ARFGEF3: variants seen among roughly 807,000 people sequenced by gnomAD.
The protein encoded by ARFGEF3 is brefeldin A-inhibited guanine nucleotide-exchange protein 3.
Under a neutral mutation model 221.7 loss-of-function variants are expected in ARFGEF3, and 96 were observed. The observed-to-expected ratio is 0.43, with a 90% CI of 0.37 to 0.51. The LOEUF (loss-of-function observed/expected upper bound fraction) is 0.51, where lower values mean the gene tolerates loss of function less well. Ranked by LOEUF, ARFGEF3 falls within the 20% of genes least tolerant of loss-of-function variation. The pLI is 0.00. For synonymous variants in ARFGEF3, 1,145 were observed against 1,126.8 expected (o/e 1.02, Z -0.32); for missense variants, 2,410 against 2,789.9 (o/e 0.86, Z 3.07).
At chr6:138,308,697 A>G (rs1355275043) in intron 23 of ARFGEF3, 42 bp from the exon 24 acceptor site, 1 of 1,611,914 alleles carries the variant, frequency 6.2e-7, no homozygotes, top group Admixed American at 1.7e-5. Context: ...ACCCGAGGGC[A>G]GAAACTTACT....
chr6:138,171,863 C>G (rs1776842810), intron 2 of ARFGEF3, among the ~76,000 whole-genome samples: 1 of 152,070 alleles, frequency 6.6e-6, no homozygotes, highest in Non-Finnish European at 1.5e-5. Context: ...ATGGCTGTAG[C>G]ATAATTCATT....
intron 26 of ARFGEF3, among the ~76,000 whole-genome samples, chr6:138,315,339 C>A (rs952445686): frequency 1.7e-4 from 26 of 152,212 alleles, no homozygotes; most frequent in African/African-American, 6.3e-4. Flanking sequence ...CTCATGCTCA[C>A]ACCTTCTGTC....
At chr6:138,213,751 G>T (rs1368813176) in intron 4 of ARFGEF3, among the ~76,000 whole-genome samples, 1 of 152,024 alleles carries the variant, frequency 6.6e-6, no homozygotes. Context: ...TAAATATTAG[G>T]ATTGGGGAAA....
At chr6:138,330,097 C>T (rs1327333875) in intron 32 of ARFGEF3, among the ~76,000 whole-genome samples, 3 of 152,106 alleles carry the variant, frequency 2.0e-5, no homozygotes, top group South Asian at 2.1e-4. Flanking sequence ...AAGGCAGGAA[C>T]AGGCCATTTT....
intron 12 of ARFGEF3, among the ~76,000 whole-genome samples, chr6:138,275,043 G>C (rs12183973): frequency 0.062 from 9,446 of 152,032 alleles, 947 homozygotes; most frequent in African/African-American, 0.21. Context: ...GGAGGCAGAG[G>C]TTGCAGTGAG....
intron 27 of ARFGEF3, among the ~76,000 whole-genome samples, chr6:138,319,278 TAAA>T (rs371788391): frequency 1.4e-5 from 2 of 142,564 alleles, no homozygotes; most frequent in Non-Finnish European, 1.5e-5. Context: ...ATTGTTAAGT[TAAA>T]AAAAAAAAAA....
intron 2 of ARFGEF3, among the ~76,000 whole-genome samples, chr6:138,200,610 T>C (rs1777517430): frequency 6.6e-6 from 1 of 152,132 alleles, no homozygotes; most frequent in African/African-American, 2.4e-5. Context: ...GCTGGGATAA[T>C]TGGCTAGCCA....
At chr6:138,197,589 A>G (rs1583006188) in intron 2 of ARFGEF3, among the ~76,000 whole-genome samples, 1 of 152,322 alleles carries the variant, frequency 6.6e-6, no homozygotes, top group East Asian at 1.9e-4. Context: ...TAGGACAGCT[A>G]TGATAGGAAA....
intron 5 of ARFGEF3, among the ~76,000 whole-genome samples, chr6:138,230,662 G>T (rs1490751673): frequency 6.6e-6 from 1 of 152,158 alleles, no homozygotes; most frequent in Non-Finnish European, 1.5e-5. Context: ...GTATTAAACA[G>T]TGAAAATTAA....
chr6:138,322,860 A>G (rs1780058752), intron 29 of ARFGEF3, among the ~76,000 whole-genome samples: 1 of 151,818 alleles, frequency 6.6e-6, no homozygotes. Context: ...ACTGGAGGTT[A>G]TTATGCTAAG....
chr6:138,190,813 TG>T (rs1777290865), intron 2 of ARFGEF3, among the ~76,000 whole-genome samples: 1 of 152,202 alleles, frequency 6.6e-6, no homozygotes, highest in Non-Finnish European at 1.5e-5. Flanking sequence ...TTCAATACTT[TG>T]GCTAATCTGC....
intron 32 of ARFGEF3, among the ~76,000 whole-genome samples, chr6:138,330,948 T>C (rs973013312): frequency 2.6e-4 from 40 of 152,370 alleles, no homozygotes; most frequent in African/African-American, 9.4e-4. Flanking sequence ...CTATTTTATA[T>C]ACCAAAGATT....
intron 2 of ARFGEF3, among the ~76,000 whole-genome samples, chr6:138,192,876 G>A (rs1777335382): frequency 6.6e-6 from 1 of 152,174 alleles, no homozygotes; most frequent in African/African-American, 2.4e-5. Flanking sequence ...CATTGTCAGG[G>A]CCTGAATTTG....
At chr6:138,327,980 G>T in intron 31 of ARFGEF3, 41 bp from the exon 32 acceptor site, 1 of 1,532,970 alleles carries the variant, frequency 6.5e-7, no homozygotes, top group South Asian at 1.2e-5. Context: ...TCAAGCAGAG[G>T]ACACTGGAGT....
At chr6:138,327,955 C>G in intron 31 of ARFGEF3, 66 bp from the exon 32 acceptor site, 4 of 1,369,854 alleles carry the variant, frequency 2.9e-6, no homozygotes, top group South Asian at 2.7e-5. Context: ...GGTCATCCAG[C>G]TGATCCCTGA....
intron 14 of ARFGEF3, among the ~76,000 whole-genome samples, chr6:138,283,733 G>C (rs1779237724): frequency 6.6e-6 from 1 of 152,204 alleles, no homozygotes; most frequent in African/African-American, 2.4e-5. Flanking sequence ...GAATTCATCA[G>C]ACCTTTACCT....
At position 138,319,788 on chromosome 6, in the gene ARFGEF3, C is replaced by T; in HGVS notation, c.4560C>T (p.Ser1520=). Residue 1520 remains serine (S), a synonymous_variant, in exon 28 of 34, where the codon TCC becomes TCT. Transcript: ENST00000251691. ...VWLRRSHKDH[S]YWDMASANFK... Reference sequence around the variant, plus strand: ...TCCGCCGGAGCCATAAAGACCATTCCTACTGGGATATGGCCTCTGCCAATT... The same window carrying T: ...TCCGCCGGAGCCATAAAGACCATTCTTACTGGGATATGGCCTCTGCCAATT... The T allele has an allele frequency of 2.5e-6, 4 of 1,613,954 alleles. No individual in the cohort carries two copies. In the East Asian group the frequency reaches 8.9e-5, roughly 36 times the overall value.
At chr6:138,227,043 GT>G (rs112834247) in intron 4 of ARFGEF3, among the ~76,000 whole-genome samples, 48 of 144,878 alleles carry the variant, frequency 3.3e-4, no homozygotes, top group South Asian at 1.1e-3. Context: ...GGTTGATTTT[GT>G]TTTTTTTTTT....
chr6:138,292,775 G>A (rs976898656), intron 19 of ARFGEF3, among the ~76,000 whole-genome samples: 3 of 152,176 alleles, frequency 2.0e-5, no homozygotes, highest in Admixed American at 6.5e-5. Context: ...CCCAGCTGCC[G>A]GGTCATGTCT....
Sources: gnomAD v4.1 joint callset for allele counts (sites outside exome capture counted in the v4.1 genomes callset) on GRCh38, gnomAD v4.1.1 for gene constraint, MANE v1.5 for transcripts, NCBI Gene and HGNC (gene_info 2026-07-23, HGNC 2026-07-21) for gene names.